DTNA: variants seen among roughly 807,000 people sequenced by gnomAD.
The protein encoded by DTNA is dystrophin-related protein 3.
DTNA carries 43 observed loss-of-function variants against 100.7 expected under a neutral mutation model. The ratio of observed to expected loss-of-function variants is 0.43; its 90% CI spans 0.33 to 0.55. The LOEUF is 0.55. Among genes scored for constraint, DTNA ranks in the 20% least tolerant of loss-of-function variants. DTNA has a pLI of 0.04. For missense variants in DTNA, 798 were observed against 953.9 expected, an observed-to-expected ratio of 0.84 and a Z score of 2.15; for synonymous variants, 349 against 347.9, an observed-to-expected ratio of 1.00 and a Z score of -0.04.
intron 1 of DTNA, among the ~76,000 whole-genome samples, chr18:34,555,905 G>A (rs963893387): frequency 1.2e-4 from 18 of 151,990 alleles, no homozygotes; most frequent in African/African-American, 4.4e-4. Flanking sequence ...GCAGAGCTGA[G>A]TTCAATTCCT....
chr18:34,559,879 A>T (rs992159526), intron 1 of DTNA, among the ~76,000 whole-genome samples: 1 of 152,246 alleles, frequency 6.6e-6, no homozygotes, highest in African/African-American at 2.4e-5. Flanking sequence ...CAAAATATGT[A>T]TAGGAAAACA....
chr18:34,702,182 C>G (rs2081471648), intron 1 of DTNA, among the ~76,000 whole-genome samples: 1 of 152,240 alleles, frequency 6.6e-6, no homozygotes, highest in African/African-American at 2.4e-5. Flanking sequence ...TCTCCCTTTG[C>G]CTGAAATCCC....
intron 13 of DTNA, among the ~76,000 whole-genome samples, chr18:34,842,675 C>T: frequency 6.6e-6 from 1 of 152,198 alleles, no homozygotes; most frequent in Non-Finnish European, 1.5e-5. Context: ...CTGTCTAGAA[C>T]ATTCTTTCCC....
chr18:34,510,622 C>CTTTTT (rs1027138316), intron 1 of DTNA, among the ~76,000 whole-genome samples: 19 of 92,808 alleles, frequency 2.0e-4, no homozygotes, highest in African/African-American at 3.2e-4. Context: ...ACTGGCCATT[C>CTTTTT]TTTTTTTTTT....
chr18:34,709,124 G>A (rs2082474442), upstream of DTNA, among the ~76,000 whole-genome samples: 1 of 152,182 alleles, frequency 6.6e-6, no homozygotes, highest in South Asian at 2.1e-4. Context: ...TCCTGGAGGA[G>A]TTGAGGGAAA....
chr18:34,820,837 G>A lies in DTNA; in HGVS notation c.923G>A (p.Ser308Asn). The change falls in exon 9 of 23, where the codon AGC becomes AAC. Residue 308 changes from serine (S) to asparagine (N), a missense_variant. Coordinates refer to ENST00000444659, the MANE Select transcript of DTNA (RefSeq NM_001386795.1). ...KLTNALSKSL[S>N]CASSREPLHP... Reference sequence around the variant, plus strand: ...ACTAATGCATTAAGCAAGTCCCTGAGCTGTGCTTCCAGCCGTGAACCTTTG... The same window carrying A: ...ACTAATGCATTAAGCAAGTCCCTGAACTGTGCTTCCAGCCGTGAACCTTTG... 6.2e-7 allele frequency: 1 copy of A among 1,614,056 alleles called. No homozygotes were observed. Among genetic ancestry groups the A allele is most frequent in the Non-Finnish European group, 8.5e-7 (1 of 1,180,008 alleles).
Position 34,882,075 on chromosome 18 carries a change from G to A in DTNA, c.2169G>A (p.Thr723=), listed in dbSNP as rs374444921. Residue 723 remains threonine, a synonymous_variant, in exon 21 of 23, where the codon ACG becomes ACA. Transcript: ENST00000444659. ...ATCTGTGGTTTATTTTCAGGGTTAC[G>A]GAGGATGCAGATCCCTATGTGCAGC... ...TTSTMRGDMV[T]EDADPYVQPE... 13 of 1,613,880 alleles carry A rather than the reference G, an allele frequency of 8.1e-6. No homozygotes were observed. The African/African-American group carries it at 1.3e-4, about 17-fold the overall frequency.
chr18:34,844,981 C>T (rs996799731), intron 13 of DTNA, among the ~76,000 whole-genome samples: 10 of 152,132 alleles, frequency 6.6e-5, no homozygotes, highest in African/African-American at 2.4e-4. Flanking sequence ...TCTGAAATGC[C>T]GTCAACACTG....
chr18:34,746,179 T>G (rs1458965262), intron 1 of DTNA, among the ~76,000 whole-genome samples: 1 of 148,910 alleles, frequency 6.7e-6, no homozygotes, highest in African/African-American at 2.5e-5. Flanking sequence ...AACAGTCTTC[T>G]AATTTGGGGG....
At chr18:34,793,963 C>A in intron 3 of DTNA, 74 bp from the exon 4 acceptor site, 1 of 1,499,750 alleles carries the variant, frequency 6.7e-7, no homozygotes, top group Non-Finnish European at 9.1e-7. Context: ...AAAAACAGGA[C>A]AGAGGGTCAT....
At chr18:34,829,325 T>C in intron 10 of DTNA, 75 bp from the exon 11 acceptor site, 1 of 1,528,178 alleles carries the variant, frequency 6.5e-7, no homozygotes, top group Non-Finnish European at 8.8e-7. Flanking sequence ...GTACACTAAA[T>C]GTCTTTCCTC....
At chr18:34,516,567 G>A (rs1326955946) in intron 1 of DTNA, among the ~76,000 whole-genome samples, 1 of 152,068 alleles carries the variant, frequency 6.6e-6, no homozygotes, top group Non-Finnish European at 1.5e-5. Context: ...AACCATATAA[G>A]ACAGACACTC....
intron 1 of DTNA, among the ~76,000 whole-genome samples, chr18:34,637,299 G>T (rs1449392324): frequency 6.6e-6 from 1 of 152,156 alleles, no homozygotes; most frequent in East Asian, 1.9e-4. Flanking sequence ...ATTTAATTAA[G>T]TGCAGTTCAT....
chr18:34,735,332 G>T (rs560024231), intron 1 of DTNA, among the ~76,000 whole-genome samples: 19 of 152,202 alleles, frequency 1.2e-4, no homozygotes, highest in African/African-American at 4.6e-4. Context: ...CGTTATTTTG[G>T]CAGCACCCTT....
At chr18:34,495,728 G>A (rs977716516) in intron 1 of DTNA, among the ~76,000 whole-genome samples, 6 of 152,068 alleles carry the variant, frequency 3.9e-5, no homozygotes, top group African/African-American at 1.4e-4. Context: ...ATTGTGTAGC[G>A]GTGAAGACTG....
intron 1 of DTNA, among the ~76,000 whole-genome samples, chr18:34,667,951 G>A (rs2076178788): frequency 6.6e-6 from 1 of 152,172 alleles, no homozygotes; most frequent in African/African-American, 2.4e-5. Flanking sequence ...AAATGAGTTA[G>A]GGAGGATTCC....
chr18:34,689,707 C>T (rs1461078884), intron 1 of DTNA, among the ~76,000 whole-genome samples: 1 of 152,212 alleles, frequency 6.6e-6, no homozygotes, highest in Admixed American at 6.5e-5. Context: ...GCAGAGCTGG[C>T]AGGCAGAAAT....
In DTNA at chr18:34,839,325, G is replaced by A. The variant is rs111353934; in HGVS notation, c.1346+488G>A. On this transcript the variant is annotated intron_variant, in intron 13 of 22. Transcript: ENST00000444659. ...AACAATGATAACAGTGGGAACAATC[G>A]TCTTTCAGCAATTCTATTACACATT... Among the ~76,000 whole-genome samples, 1,522 of 152,288 alleles carry A rather than the reference G, an allele frequency of 1.0e-2. 31 individuals are homozygous for A. The highest frequency in any genetic ancestry group is 0.034 in the African/African-American group (1,415 of 41,560).
Position 34,580,983 on chromosome 18 carries a change from C to T in DTNA, c.-2+87469C>T, listed in dbSNP as rs193082715. Among the ~76,000 whole-genome samples the T allele has an allele frequency of 4.8e-3, 724 of 152,278 alleles. 4 individuals carry two copies. The highest frequency in any genetic ancestry group is 6.9e-3 in the Non-Finnish European group (470 of 68,014). On this transcript the variant is annotated intron_variant, in intron 1 of 19. Coordinates refer to the DTNA transcript ENST00000283365. ...TGTTAAGGCTGGGCGCGGTGGCTCA[C>T]GCCTGTAATCCCAGCACTTTGGGAG...
Sources: allele counts gnomAD v4.1 joint callset (sites outside exome capture counted in the v4.1 genomes callset), GRCh38; gene constraint gnomAD v4.1.1; transcripts MANE v1.5; gene names NCBI Gene and HGNC (gene_info 2026-07-23, HGNC 2026-07-21).